Variants in SHC1 observed in about 807,000 individuals in gnomAD.
SHC1 encodes SHC adaptor protein 1.
In SHC1, 30 loss-of-function variants were observed where a neutral mutation model predicts 55.9. The ratio of observed to expected loss-of-function variants is 0.54; its 90% confidence interval spans 0.40 to 0.73. SHC1 has a LOEUF of 0.73. SHC1 is among the 30% of genes least tolerant of loss of function. The pLI is 0.00. For synonymous variants in SHC1, 309 were observed against 306.1 expected (o/e 1.01, Z -0.10); for missense variants, 675 against 777.1 (o/e 0.87, Z 1.56).
At chr1:154,971,334 A>G (rs1421809297), upstream of SHC1, among the ~76,000 whole-genome samples, 3 of 152,196 alleles carry the variant, frequency 2.0e-5, no homozygotes, top group African/African-American at 2.4e-5. Flanking sequence ...AGTGGTCCCA[A>G]TGGATGCAGA....
intron 3 of SHC1, 64 bp downstream of exon 3, chr1:154,968,707 C>G (rs1656337208): frequency 6.2e-7 from 1 of 1,609,922 alleles, no homozygotes; most frequent in East Asian, 2.2e-5. Context: ...ATGCCCCACA[C>G]TTGCCTCCCC....
chr1:154,964,546 C>T (rs1655704595), intron 11 of SHC1, among the ~76,000 whole-genome samples: 1 of 151,944 alleles, frequency 6.6e-6, no homozygotes, highest in Non-Finnish European at 1.5e-5. Flanking sequence ...TACAGTGGCG[C>T]AATCATGGCT....
rs760042276 is a variant in SHC1, at chr1:154,968,842, A to G, written c.567-8T>C. ...ACCAGACTGATGGCCTCCCTGGGGAAAGAGGGGTACTCAGACCCAGCGCCT... is the reference window on the plus strand; with the variant it reads ...ACCAGACTGATGGCCTCCCTGGGGAGAGAGGGGTACTCAGACCCAGCGCCT... On this transcript the variant is annotated splice_polypyrimidine_tract_variant and splice_region_variant and intron_variant, in intron 2 of 11. Coordinates refer to ENST00000448116, the MANE Select transcript of SHC1 (RefSeq NM_001130040.2). The G allele has an allele frequency of 6.2e-7, 1 of 1,613,710 alleles. No individual in the cohort carries two copies. The highest frequency in any genetic ancestry group is 1.1e-5 in the South Asian group (1 of 91,078).
chr1:154,971,111 T>C (rs1406860519), upstream of SHC1, among the ~76,000 whole-genome samples: 9 of 151,988 alleles, frequency 5.9e-5, no homozygotes, highest in Admixed American at 4.6e-4. Context: ...CAGAGGCAGC[T>C]GGGGGTGGAA....
chr1:154,966,358 T>C lies in SHC1; in HGVS notation c.1143A>G (p.Ala381=). ...GAAPGAARPT[A]PNAQTPSHLG... ...AGTGGCTGGGGGTCTGGGCATTGGGTGCAGTGGGTCGAGCAGCCCCTGGAG... is the reference window on the plus strand; with the variant it reads ...AGTGGCTGGGGGTCTGGGCATTGGGCGCAGTGGGTCGAGCAGCCCCTGGAG... Residue 381 remains alanine, a synonymous_variant, in exon 8 of 12, where the codon GCA becomes GCG. Coordinates refer to ENST00000448116, the MANE Select transcript of SHC1 (RefSeq NM_001130040.2). 1 of 1,614,074 alleles carries C rather than the reference T, an allele frequency of 6.2e-7. No individual in the cohort carries two copies. Among genetic ancestry groups the C allele is most frequent in the Non-Finnish European group, 8.5e-7 (1 of 1,179,978 alleles).
rs1655983597 is a variant in SHC1 at position 154,966,406 on chromosome 1, G to A, written c.1095C>T (p.Asp365=). 2 of 1,614,026 alleles carry A rather than the reference G, an allele frequency of 1.2e-6. No homozygotes were observed. Among genetic ancestry groups the A allele is most frequent in the Non-Finnish European group, 1.7e-6 (2 of 1,179,952 alleles). ...GAGCGGCTCCTTCCCGAAGCCTCAT[G>A]TCTACCACCCCCCCCAAGGGGGGTT... The part of the protein sequence containing the change: ...GKEPPLGGVV[D]MRLREGAAPG... Residue 365 remains aspartate (D), a synonymous_variant, in exon 8 of 12, where the codon GAC becomes GAT. Coordinates refer to ENST00000448116, the MANE Select transcript of SHC1 (RefSeq NM_001130040.2).
chr1:154,969,260 C>A, intron 2 of SHC1, 118 bp downstream of exon 2: 1 of 722,016 alleles, frequency 1.4e-6, no homozygotes, highest in Non-Finnish European at 2.5e-6. Flanking sequence ...CTCTCAATCC[C>A]CTTTACTACG....
rs866808843 is a variant in SHC1 at position 154,970,440 on chromosome 1, G to T, written c.87C>A (p.Thr29=). 6.2e-7 allele frequency: 1 copy of T among 1,611,066 alleles called. No individual in the cohort carries two copies. The highest frequency in any genetic ancestry group is 8.5e-7 in the Non-Finnish European group (1 of 1,178,992). ...SSLEEGASGS[T]PPEELPSPSA... is the part of the protein sequence containing the mutation. ...ATGGGGAAGGCAGCTCCTCCGGGGG[G>T]GTGGACCCAGAAGCCCCTTCCTCCA... Residue 29 remains threonine, a synonymous_variant, in exon 1 of 12, where the codon ACC becomes ACA. Coordinates refer to ENST00000448116, the MANE Select transcript of SHC1 (RefSeq NM_001130040.2). This position sits in a 1 kb window ranked among gnomAD's most constrained non-coding sequence, Gnocchi z 5.5.
chr1:154,972,914 TAAA>T (rs200170115), upstream of SHC1, among the ~76,000 whole-genome samples: 5 of 144,354 alleles, frequency 3.5e-5, no homozygotes, highest in African/African-American at 5.1e-5. Context: ...AACTGTCCCT[TAAA>T]AAAAAAAAAA....
At chr1:154,969,617 TG>T (rs1389609142) in intron 1 of SHC1, among the ~76,000 whole-genome samples, 169 bp from the exon 2 acceptor site, 2 of 151,926 alleles carry the variant, frequency 1.3e-5, no homozygotes, top group Non-Finnish European at 2.9e-5. Flanking sequence ...CAACAGGGAA[TG>T]AGGAGAAAAA....
intron 10 of SHC1, 61 bp downstream of exon 10, chr1:154,965,882 CAGG>C (rs1332819733): frequency 5.7e-6 from 9 of 1,578,832 alleles, no homozygotes; most frequent in African/African-American, 4.1e-5. Flanking sequence ...AGCAGATAGG[CAGG>C]AGAAGGGCCA....
rs748616969 is a variant in SHC1 at position 154,966,072 on chromosome 1, C to G, written c.1261G>C (p.Glu421Gln). 1.2e-6 allele frequency: 2 copies of G among 1,614,074 alleles called. No homozygotes were observed. Among genetic ancestry groups the G allele is most frequent in the East Asian group, 4.5e-5 (2 of 44,874 alleles). The part of the protein sequence containing the change: ...PPPPPCPAGR[E>Q]LFDDPSYVNV... ...ACATAGGAGGGATCATCAAAAAGCT[C>G]TCTGCCTGCTGAGGAAAGGGAGGCT... Residue 421 changes from glutamate to glutamine, a missense_variant, in exon 10 of 12, where the codon GAG becomes CAG. Glu to Gln is a conservative substitution (Grantham distance 29, BLOSUM62 2). This residue lies in a region of SHC1 where 360 missense variants were observed against 371.1 expected (regional missense o/e 0.97). Transcript: ENST00000448116.
In SHC1 at chr1:154,966,462, G is replaced by T. The variant is rs1338178274; in HGVS notation, c.1039C>A (p.His347Asn). Residue 347 changes from histidine (H) to asparagine (N), a missense_variant, in exon 8 of 12, where the codon CAT becomes AAT. By Grantham distance (68) the His-to-Asn change is moderately conservative (BLOSUM62 1). Transcript: ENST00000448116. The part of the protein sequence containing the change: ...WDEEEEEPPD[H>N]QYYNDFPGKE... ...CCCGGGAAGTCATTATAGTACTGATGGTCAGGTGGCTCTTCCTCCTCCTCA... is the reference window on the plus strand; with the variant it reads ...CCCGGGAAGTCATTATAGTACTGATTGTCAGGTGGCTCTTCCTCCTCCTCA... 6.2e-7 allele frequency: 1 copy of T among 1,611,482 alleles called. No individual in the cohort carries two copies. Among genetic ancestry groups the T allele is most frequent in the African/African-American group, 1.3e-5 (1 of 74,840 alleles).
chr1:154,966,537 A>T lies in SHC1; in HGVS notation c.984-20T>A, dbSNP rs766795373. 1 of 1,526,612 alleles carries T rather than the reference A, an allele frequency of 6.6e-7. No individual in the cohort carries two copies. Among genetic ancestry groups the T allele is most frequent in the South Asian group, 1.3e-5 (1 of 79,700 alleles). 94.6% of individuals were successfully genotyped at this position (1,526,612 alleles called of 1,614,324 possible). A position where few individuals can be genotyped will look rare whatever the true frequency, so the allele number is the denominator to read the frequency against. The stretch of plus-strand genomic sequence containing the variant: ...GCCATCCTGAGGGACAGGACAGTGA[A>T]GCTGTGGCTGTAAATGTGTGGTGGG... On this transcript the variant is annotated intron_variant, in intron 7 of 11. Coordinates refer to ENST00000448116, the MANE Select transcript of SHC1 (RefSeq NM_001130040.2).
chr1:154,968,060 G>C lies in SHC1; in HGVS notation c.805-29C>G, dbSNP rs1019003246. ...GGGAGGAAGGTCAAAAAATTTTACAGTTCTACTTTACTCCTGACCCCTAAA... is the reference window on the plus strand; with the variant it reads ...GGGAGGAAGGTCAAAAAATTTTACACTTCTACTTTACTCCTGACCCCTAAA... On this transcript the variant is annotated intron_variant, in intron 5 of 11. Transcript: ENST00000448116. 6.2e-6 allele frequency: 10 copies of C among 1,613,192 alleles called. No individual in the cohort carries two copies. The African/African-American group carries it at 1.3e-4, about 22-fold the overall frequency.
In SHC1 at chr1:154,967,557, C is replaced by T. The variant is rs1281165631; in HGVS notation, c.983+114G>A. 2.0e-5 allele frequency: 23 copies of T among 1,126,642 alleles called. No individual in the cohort carries two copies. In the Admixed American group the frequency reaches 5.1e-4, roughly 25 times the overall value. 69.8% of individuals were successfully genotyped at this position (1,126,642 alleles called of 1,614,324 possible). ...CAGAAGAATAGCAGGAAGTGGGAAG[C>T]AGAGGCACACAGGTTATTCCCTCCC... is the stretch of plus-strand genomic sequence containing the variant. On this transcript the variant is annotated intron_variant, in intron 7 of 11. Transcript: ENST00000448116.
chr1:154,967,775 G>A lies in SHC1; in HGVS notation c.879C>T (p.Pro293=), dbSNP rs766346913. 53 of 1,613,958 alleles carry A rather than the reference G, an allele frequency of 3.3e-5. No individual in the cohort carries two copies. Among genetic ancestry groups the A allele is most frequent in the Non-Finnish European group, 4.2e-5 (50 of 1,180,004 alleles). ...TGATGACATCCTGGGCAAGCCCTTCGGGACACTCCAGAATGTGGCAGGCTG... is the reference window on the plus strand; with the variant it reads ...TGATGACATCCTGGGCAAGCCCTTCAGGACACTCCAGAATGTGGCAGGCTG... ...NQRACHILEC[P]EGLAQDVIST... is the part of the protein sequence containing the mutation. The change falls in exon 7 of 12, where the codon CCC becomes CCT. Residue 293 remains proline (P), a synonymous_variant. Transcript: ENST00000448116.
chr1:154,967,668 C>A lies in SHC1; in HGVS notation c.983+3G>T. On this transcript the variant is annotated splice_donor_region_variant and intron_variant, in intron 7 of 11. Coordinates refer to ENST00000448116, the MANE Select transcript of SHC1 (RefSeq NM_001130040.2). The stretch of plus-strand genomic sequence containing the variant: ...CTGCTCCACACTCTCCCCACCTGCT[C>A]ACCTGTCATGAGGGGTGACCAGTTT... 1 of 1,613,714 alleles carries A rather than the reference C, an allele frequency of 6.2e-7. No homozygotes were observed. The highest frequency in any genetic ancestry group is 1.1e-5 in the South Asian group (1 of 90,996).
At chr1:154,968,299 T>A (rs1656275522) in intron 4 of SHC1, 42 bp from the exon 5 acceptor site, 1 of 1,605,256 alleles carries the variant, frequency 6.2e-7, no homozygotes, top group East Asian at 2.2e-5. Flanking sequence ...GGGAATGCCA[T>A]GTGTCAGGCA....
Sources: allele counts gnomAD v4.1 joint callset (sites outside exome capture counted in the v4.1 genomes callset), GRCh38; gene constraint gnomAD v4.1.1; regional missense constraint gnomAD v4.1.1; non-coding constraint Gnocchi (gnomAD v3.1); transcripts MANE v1.5; gene names NCBI Gene and HGNC (gene_info 2026-07-23, HGNC 2026-07-21).